Variants in KLF7 observed in about 807,000 individuals in gnomAD.
KLF7 encodes KLF transcription factor 7, also known as Krueppel-like factor 7.
KLF7 carries 2 observed loss-of-function variants against 27.3 expected under a neutral mutation model. The observed-to-expected ratio is 0.07, with a 90% CI of 0.03 to 0.23. The LOEUF (loss-of-function observed/expected upper bound fraction) is 0.23. Ranked by LOEUF, KLF7 falls within the 10% of genes least tolerant of loss-of-function variation. The pLI, the probability that KLF7 is intolerant of heterozygous loss-of-function variation, is 1.00. For synonymous variants in KLF7, 165 were observed against 162.4 expected (o/e 1.02, Z -0.12); for missense variants, 221 against 394.1 (o/e 0.56, Z 3.72).
intron 2 of KLF7, among the ~76,000 whole-genome samples, chr2:207,110,661 A>T (rs1343623551): frequency 6.6e-6 from 1 of 152,258 alleles, no homozygotes; most frequent in East Asian, 1.9e-4. Flanking sequence ...CGAATCTTCA[A>T]TCTAGAAGGT....
chr2:207,149,654 T>C (rs1373441586), intron 1 of KLF7, among the ~76,000 whole-genome samples: 2 of 152,214 alleles, frequency 1.3e-5, no homozygotes, highest in African/African-American at 4.8e-5. Context: ...GGCTCCCCAA[T>C]CCTTGTCAGT....
intron 1 of KLF7, among the ~76,000 whole-genome samples, chr2:207,136,646 T>C (rs1483851241): frequency 2.6e-5 from 4 of 152,180 alleles, no homozygotes; most frequent in Admixed American, 2.6e-4. Flanking sequence ...CTTTCCCTAT[T>C]AACATAGAAG....
upstream of KLF7, chr2:207,167,181 A>G (rs898398413): frequency 4.2e-6 from 6 of 1,412,902 alleles, no homozygotes; most frequent in African/African-American, 6.0e-5. Flanking sequence ...TTCGATGGTG[A>G]GAGGAGGAAC....
At chr2:207,126,444 A>G (rs1415583805) in intron 1 of KLF7, among the ~76,000 whole-genome samples, 2 of 152,204 alleles carry the variant, frequency 1.3e-5, no homozygotes, top group African/African-American at 2.4e-5. Context: ...CTACTCTTCA[A>G]TAGCCATCTT....
At chr2:207,155,848 G>A (rs1382250144) in intron 1 of KLF7, among the ~76,000 whole-genome samples, 1 of 152,212 alleles carries the variant, frequency 6.6e-6, no homozygotes, top group African/African-American at 2.4e-5. Flanking sequence ...CAAAAGGCAG[G>A]GGGTGTTGGG....
chr2:207,102,838 C>T (rs2076798765), intron 2 of KLF7, among the ~76,000 whole-genome samples: 2 of 152,148 alleles, frequency 1.3e-5, no homozygotes, highest in South Asian at 4.1e-4. Context: ...GACTGTATTT[C>T]CAATCTCCTT....
At chr2:207,160,444 G>T (rs1234526692) in intron 1 of KLF7, among the ~76,000 whole-genome samples, 1 of 152,172 alleles carries the variant, frequency 6.6e-6, no homozygotes, top group Non-Finnish European at 1.5e-5. Flanking sequence ...GCATTTGCCA[G>T]TCGTGGGGTC....
chr2:207,114,309 G>A (rs896908147), intron 2 of KLF7, among the ~76,000 whole-genome samples: 1 of 152,178 alleles, frequency 6.6e-6, no homozygotes, highest in East Asian at 1.9e-4. Flanking sequence ...AATTCAATAT[G>A]AGGGATCATT....
intron 2 of KLF7, among the ~76,000 whole-genome samples, chr2:207,114,446 A>G (rs563305513): frequency 6.6e-6 from 1 of 152,354 alleles, no homozygotes; most frequent in East Asian, 1.9e-4. Context: ...ACATTAAACT[A>G]CATAAACACA....
intron 2 of KLF7, among the ~76,000 whole-genome samples, chr2:207,090,405 C>G (rs2076484380): frequency 6.6e-6 from 1 of 152,188 alleles, no homozygotes; most frequent in African/African-American, 2.4e-5. Flanking sequence ...ATTCCAGACT[C>G]TAGAACTCAG....
At chr2:207,136,953 C>G (rs577365958) in intron 1 of KLF7, among the ~76,000 whole-genome samples, 16 of 152,324 alleles carry the variant, frequency 1.1e-4, no homozygotes, top group African/African-American at 3.6e-4. Context: ...AATGGAGCCT[C>G]TTTTCAAGGT....
At chr2:207,141,993 TC>T (rs1253512218) in intron 1 of KLF7, among the ~76,000 whole-genome samples, 12 of 152,062 alleles carry the variant, frequency 7.9e-5, no homozygotes, top group African/African-American at 2.7e-4. Flanking sequence ...TCGGCTGGAA[TC>T]CCTGCTCTCA....
the KLF7 span, among the ~76,000 whole-genome samples, chr2:207,173,063 A>G: frequency 6.6e-6 from 1 of 151,816 alleles, no homozygotes; most frequent in Non-Finnish European, 1.5e-5. Context: ...GTCGTAGAAA[A>G]TGTGAGTGTC....
chr2:207,084,830 G>A (rs779216017), intron 3 of KLF7, among the ~76,000 whole-genome samples: 4 of 152,066 alleles, frequency 2.6e-5, no homozygotes, highest in Non-Finnish European at 4.4e-5. Flanking sequence ...ACATAATGGA[G>A]AACTAGTCAA....
chr2:207,089,830 T>A (rs983103428), intron 2 of KLF7, among the ~76,000 whole-genome samples: 2 of 152,172 alleles, frequency 1.3e-5, no homozygotes, highest in African/African-American at 4.8e-5. Flanking sequence ...GTCACATAAC[T>A]AATAAACATT....
upstream of KLF7, among the ~76,000 whole-genome samples, chr2:207,169,485 T>G (rs976264659): frequency 6.6e-6 from 1 of 152,194 alleles, no homozygotes; most frequent in African/African-American, 2.4e-5. Context: ...TGAAGAAAGC[T>G]TTGCTTAAGA....
intron 1 of KLF7, among the ~76,000 whole-genome samples, chr2:207,157,736 G>C (rs1048010973): frequency 6.6e-6 from 1 of 152,200 alleles, no homozygotes; most frequent in African/African-American, 2.4e-5. Flanking sequence ...AAGCACCTCA[G>C]AAGCCAAGTC....
At chr2:207,135,011 G>C (rs776565622) in intron 1 of KLF7, among the ~76,000 whole-genome samples, 1 of 152,146 alleles carries the variant, frequency 6.6e-6, no homozygotes, top group African/African-American at 2.4e-5. Flanking sequence ...GAAACCTATC[G>C]AGGGCATGGA....
chr2:207,160,766 G>A (rs1007921597), intron 1 of KLF7, among the ~76,000 whole-genome samples: 2 of 152,186 alleles, frequency 1.3e-5, no homozygotes, highest in East Asian at 1.9e-4. Context: ...TAAGTAGAGA[G>A]GCAAATTAGC....
Sources: allele counts gnomAD v4.1 joint callset (sites outside exome capture counted in the v4.1 genomes callset), GRCh38; gene constraint gnomAD v4.1.1; transcripts MANE v1.5; gene names NCBI Gene and HGNC (gene_info 2026-07-23, HGNC 2026-07-21).